CAPN6: variants seen among roughly 807,000 people sequenced by gnomAD.
CAPN6 encodes calpain 6, also known as calpain-6.
Under a neutral mutation model 46.0 loss-of-function variants are expected in CAPN6, and 16 were observed. That is an observed-to-expected ratio of 0.35 (90% CI 0.24 to 0.53). CAPN6 has a LOEUF of 0.53. CAPN6 is among the 20% of genes least tolerant of loss of function. CAPN6 has a pLI of 0.94. For missense variants in CAPN6, 461 were observed against 498.0 expected (o/e 0.93, Z 0.71); for synonymous variants, 206 against 172.8 (o/e 1.19, Z -1.51).
intron 1 of CAPN6, among the ~76,000 whole-genome samples, chrX:111,266,108 CA>C (rs1175281713): frequency 1.8e-5 from 2 of 109,346 alleles, no homozygotes; most frequent in African/African-American, 6.7e-5. Flanking sequence ...ACTTCCACTA[CA>C]GTACAACTGT....
rs1387338851 is a variant in CAPN6, at chrX:111,254,143, G to A, written c.297+129C>T. 25 of 797,229 alleles carry A rather than the reference G, an allele frequency of 3.1e-5. No homozygotes were observed. In the South Asian group the frequency reaches 6.9e-4, roughly 22 times the overall value. 65.7% of individuals were successfully genotyped at this position (797,229 alleles called of 1,213,427 possible). ...TCTTATAATGAAATGGAGGGAAGTCGCCTAGTTAATATCTCTGCTTTCAAG... is the reference window on the plus strand; with the variant it reads ...TCTTATAATGAAATGGAGGGAAGTCACCTAGTTAATATCTCTGCTTTCAAG... On this transcript the variant is annotated intron_variant, in intron 3 of 12. Transcript: ENST00000324068.
intron 2 of CAPN6, among the ~76,000 whole-genome samples, chrX:111,257,572 A>T (rs1339345410): frequency 1.8e-5 from 2 of 112,420 alleles, no homozygotes; most frequent in African/African-American, 6.5e-5. Flanking sequence ...CCTAGCAGCC[A>T]AACAGACTAT....
chrX:111,264,018 T>C lies in CAPN6; in HGVS notation c.-15-67A>G, dbSNP rs1254672814. 14 of 713,075 alleles carry C rather than the reference T, an allele frequency of 2.0e-5. No homozygotes were observed. In the South Asian group the frequency reaches 4.3e-4, roughly 22 times the overall value. 58.8% of individuals were successfully genotyped at this position (713,075 alleles called of 1,213,427 possible). On this transcript the variant is annotated intron_variant, in intron 1 of 12. Transcript: ENST00000324068. ...CAGGTCTTTTAAGGGTTACCTGAGA[T>C]TAGACAAACAGCCGTCATCCCAGTG...
At chrX:111,269,889 G>T (rs1282838390) in intron 1 of CAPN6, among the ~76,000 whole-genome samples, 1 of 111,850 alleles carries the variant, frequency 8.9e-6, no homozygotes, top group African/African-American at 3.3e-5. Flanking sequence ...AGAGTTCACA[G>T]GCCTTTTGCA....
rs758572021 is a variant in CAPN6 at position 111,251,671 on chromosome X, A to G, written c.771T>C (p.Thr257=). The change falls in exon 6 of 13, where the codon ACT becomes ACC. Residue 257 remains threonine (T), a synonymous_variant. Transcript: ENST00000324068. ...GLLKGHTYTM[T]DIRKIRLGER... is the part of the protein sequence containing the mutation. ...CTCCAAGACGAATTTTGCGAATATCAGTCATGGTATAGGTATGGCCCTTCA... is the reference window on the plus strand; with the variant it reads ...CTCCAAGACGAATTTTGCGAATATCGGTCATGGTATAGGTATGGCCCTTCA... 3 of 1,210,223 alleles carry G rather than the reference A, an allele frequency of 2.5e-6. No homozygotes were observed. In the East Asian group the frequency reaches 8.9e-5, roughly 36 times the overall value.
At position 111,256,363 on chromosome X, in the gene CAPN6, C is replaced by A. The variant is rs753792194; in HGVS notation, c.166-1960G>T. Among the ~76,000 whole-genome samples the A allele has an allele frequency of 7.2e-5, 8 of 111,110 alleles. No homozygotes were observed. The South Asian group carries it at 3.1e-3, about 43-fold the overall frequency. On this transcript the variant is annotated intron_variant, in intron 2 of 12. Coordinates refer to ENST00000324068, the MANE Select transcript of CAPN6 (RefSeq NM_014289.4). The stretch of plus-strand genomic sequence containing the variant: ...GCAGTGAGCCGAGATCACACCATTG[C>A]GCTCCAGCCTGGGCAACAAGAGAGA...
intron 2 of CAPN6, among the ~76,000 whole-genome samples, chrX:111,262,868 G>C (rs1006974249): frequency 3.6e-5 from 4 of 111,997 alleles, no homozygotes; most frequent in African/African-American, 9.7e-5. Flanking sequence ...GGTGGTGAAA[G>C]ACCTACAATT....
chrX:111,259,496 A>G (rs1267913939), intron 2 of CAPN6, among the ~76,000 whole-genome samples: 1 of 112,085 alleles, frequency 8.9e-6, no homozygotes, highest in African/African-American at 3.2e-5. Flanking sequence ...CCAAGCCTGT[A>G]TATTCTGCTT....
rs143932685 is a variant in CAPN6 at position 111,269,280 on chromosome X, G to C, written c.-16+1091C>G. ...TATTCACACACACCCAGGCACACAC[G>C]TGCACATAAGCATGCTCACACACAC... On this transcript the variant is annotated intron_variant, in intron 1 of 12. Coordinates refer to ENST00000324068, the MANE Select transcript of CAPN6 (RefSeq NM_014289.4). 5.4e-5 allele frequency among the ~76,000 whole-genome samples: 6 copies of C among 111,683 alleles called. No homozygotes were observed. The East Asian group carries it at 1.7e-3, about 32-fold the overall frequency.
At chrX:111,269,065 G>A (rs925434304) in intron 1 of CAPN6, among the ~76,000 whole-genome samples, 1 of 112,195 alleles carries the variant, frequency 8.9e-6, no homozygotes, top group Middle Eastern at 4.6e-3. Flanking sequence ...TTCAAATCAA[G>A]GCTAATCAAA....
intron 1 of CAPN6, among the ~76,000 whole-genome samples, chrX:111,265,335 A>G (rs2094990986): frequency 8.9e-6 from 1 of 112,667 alleles, no homozygotes; most frequent in Non-Finnish European, 1.9e-5. Context: ...TGTATGTACA[A>G]CAAACTTACC....
chrX:111,254,149 T>A, intron 3 of CAPN6, 123 bp downstream of exon 3: 6 of 867,994 alleles, frequency 6.9e-6, no homozygotes, highest in Non-Finnish European at 9.5e-6. Context: ...AGTCGCCTAG[T>A]TAATATCTCT....
chrX:111,267,676 T>C (rs1412100001), intron 1 of CAPN6, among the ~76,000 whole-genome samples: 1 of 112,002 alleles, frequency 8.9e-6, no homozygotes, highest in African/African-American at 3.2e-5. Flanking sequence ...CAAGCCACTT[T>C]GGATTTAGGT....
chrX:111,268,694 G>A (rs1386464165), intron 1 of CAPN6, among the ~76,000 whole-genome samples: 6 of 112,320 alleles, frequency 5.3e-5, no homozygotes, highest in African/African-American at 1.9e-4. Context: ...TGCCCTTTTG[G>A]CCGAATAAGC....
At position 111,270,409 on chromosome X, in the gene CAPN6, T is replaced by TGCTGCTGCTGCTGCTGCC. The variant is rs975112223; in HGVS notation, c.-72_-55dup. 1.7e-5 allele frequency: 6 copies of TGCTGCTGCTGCTGCTGCC among 350,731 alleles called. No homozygotes were observed. The highest frequency in any genetic ancestry group is 9.3e-5 in the Admixed American group (3 of 32,405). The allele number at this position is 350,731 out of a possible 1,213,427, so 28.9% of individuals were successfully genotyped here. A position where few individuals can be genotyped will look rare whatever the true frequency, so the allele number is the denominator to read the frequency against. ...GGAGCCCTGCTGCTGCTGCTGCTGC[T>TGCTGCTGCTGCTGCTGCC]GCTGCTGCTGCTGCTGCCGTTGCCG... On this transcript the variant is annotated 5_prime_UTR_variant, in exon 1 of 13. Coordinates refer to ENST00000324068, the MANE Select transcript of CAPN6 (RefSeq NM_014289.4).
At chrX:111,247,543 A>G (rs144332180) in intron 11 of CAPN6, 39 bp from the exon 12 acceptor site, 14,563 of 1,170,807 alleles carry the variant, frequency 0.012, 79 homozygotes, top group Non-Finnish European at 0.014. Context: ...ACAGCAATTA[A>G]AGTTCCTTTT....
At chrX:111,261,123 G>A (rs1203859544) in intron 2 of CAPN6, among the ~76,000 whole-genome samples, 1 of 112,509 alleles carries the variant, frequency 8.9e-6, no homozygotes, top group Non-Finnish European at 1.9e-5. Flanking sequence ...CTGGAGGGAA[G>A]CTACCTATTT....
At chrX:111,257,659 C>T (rs1203710320) in intron 2 of CAPN6, among the ~76,000 whole-genome samples, 2 of 111,903 alleles carry the variant, frequency 1.8e-5, no homozygotes, top group African/African-American at 6.5e-5. Context: ...GGATATCTTC[C>T]TGTTGGGGTT....
chrX:111,255,139 G>C (rs1205880323), intron 2 of CAPN6, among the ~76,000 whole-genome samples: 1 of 111,958 alleles, frequency 8.9e-6, no homozygotes, highest in African/African-American at 3.3e-5. Flanking sequence ...CATATTAACT[G>C]TGCCTTTCCC....
Sources: gnomAD v4.1 joint callset for allele counts (sites outside exome capture counted in the v4.1 genomes callset) on GRCh38, gnomAD v4.1.1 for gene constraint, MANE v1.5 for transcripts, NCBI Gene and HGNC (gene_info 2026-07-23, HGNC 2026-07-21) for gene names.